Variants in SUGCT observed in about 807,000 individuals in gnomAD.
The protein encoded by SUGCT is succinyl-CoA:glutarate CoA-transferase.
SUGCT carries 41 observed loss-of-function variants against 55.0 expected under a neutral mutation model. That is an observed-to-expected ratio of 0.74 (90% CI 0.58 to 0.97). The LOEUF (loss-of-function observed/expected upper bound fraction) is 0.97. Among genes scored for constraint, SUGCT ranks in the 50% least tolerant of loss-of-function variants. SUGCT has a pLI of 0.00. For synonymous variants in SUGCT, 187 were observed against 200.4 expected (o/e 0.93, Z 0.56); for missense variants, 568 against 547.8 (o/e 1.04, Z -0.37).
Position 40,188,984 on chromosome 7 carries a change from C to T in SUGCT, c.312+404C>T, listed in dbSNP as rs1393674603. Reference sequence around the variant, plus strand: ...ATCAGTAAAGATGATTTAAATATTTCTTCATGCATAAAATAAATTTAAGAG... The same window carrying T: ...ATCAGTAAAGATGATTTAAATATTTTTTCATGCATAAAATAAATTTAAGAG... On this transcript the variant is annotated intron_variant, in intron 4 of 13. Coordinates refer to ENST00000335693, the MANE Select transcript of SUGCT (RefSeq NM_001193313.2). Among the ~76,000 whole-genome samples, 10 of 152,238 alleles carry T rather than the reference C, an allele frequency of 6.6e-5. No individual in the cohort carries two copies. The East Asian group carries it at 1.9e-3, about 29-fold the overall frequency.
intron 13 of SUGCT, among the ~76,000 whole-genome samples, chr7:40,753,992 C>A (rs1042949687): frequency 4.6e-5 from 7 of 152,132 alleles, no homozygotes; most frequent in Non-Finnish European, 7.4e-5. Flanking sequence ...GAGTCTCTAT[C>A]ATCTTCAAAC....
At chr7:40,741,733 T>C (rs931772793) in intron 12 of SUGCT, among the ~76,000 whole-genome samples, 1 of 152,236 alleles carries the variant, frequency 6.6e-6, no homozygotes, top group Non-Finnish European at 1.5e-5. Flanking sequence ...TACAATGGCA[T>C]ACTTCATATT....
At chr7:40,788,134 C>A (rs917347112) in intron 13 of SUGCT, among the ~76,000 whole-genome samples, 2 of 152,122 alleles carry the variant, frequency 1.3e-5, no homozygotes, top group African/African-American at 4.8e-5. Context: ...CACCCCTGCC[C>A]AGTAGTATTG....
At chr7:40,772,979 C>G (rs1168390393) in intron 13 of SUGCT, among the ~76,000 whole-genome samples, 4 of 152,012 alleles carry the variant, frequency 2.6e-5, no homozygotes, top group Admixed American at 2.6e-4. Context: ...AAAACAACTT[C>G]CTCACTTTCT....
chr7:40,890,288 A>ATTATATAATATAAATTAAATATTTATG, the SUGCT span, among the ~76,000 whole-genome samples: 1,501 of 140,796 alleles, frequency 0.011, 37 homozygotes, highest in Admixed American at 0.047. Flanking sequence ...AAATATTTAT[A>ATTATATAATATAAATTAAATATTTATG]TTATATAATA....
At chr7:40,377,193 T>TC (rs1562728568) in intron 9 of SUGCT, among the ~76,000 whole-genome samples, 596 of 10,322 alleles carry the variant, frequency 0.058, 173 homozygotes, top group Non-Finnish European at 0.45. Flanking sequence ...TTTCTTTCTT[T>TC]CTTTCTTTTC....
chr7:40,692,782 C>G (rs1051736453), intron 12 of SUGCT, among the ~76,000 whole-genome samples: 1 of 152,132 alleles, frequency 6.6e-6, no homozygotes, highest in East Asian at 1.9e-4. Flanking sequence ...TTTCTTTCAC[C>G]TAGAAGCCAG....
At chr7:40,894,784 G>A in the SUGCT span, among the ~76,000 whole-genome samples, 7 of 152,138 alleles carry the variant, frequency 4.6e-5, no homozygotes, top group Non-Finnish European at 8.8e-5. Flanking sequence ...CAGTCAGAAT[G>A]GCTATTATTA....
intron 10 of SUGCT, among the ~76,000 whole-genome samples, chr7:40,455,343 A>G (rs1249416594): frequency 6.6e-6 from 1 of 152,216 alleles, no homozygotes; most frequent in Non-Finnish European, 1.5e-5. Flanking sequence ...AAGTCATTCA[A>G]AAATATCAAC....
chr7:40,277,923 G>C (rs1014581245), intron 8 of SUGCT, among the ~76,000 whole-genome samples: 7 of 151,826 alleles, frequency 4.6e-5, no homozygotes, highest in African/African-American at 1.7e-4. Context: ...CCATCTATGA[G>C]TGAGAACATG....
chr7:40,649,440 A>G (rs892860470), intron 12 of SUGCT, among the ~76,000 whole-genome samples: 1 of 152,158 alleles, frequency 6.6e-6, no homozygotes, highest in African/African-American at 2.4e-5. Flanking sequence ...ACTTGCCCTA[A>G]GTTACTAGAT....
chr7:40,675,747 C>T (rs1377012171), intron 12 of SUGCT, among the ~76,000 whole-genome samples: 1 of 152,140 alleles, frequency 6.6e-6, no homozygotes, highest in Non-Finnish European at 1.5e-5. Flanking sequence ...GGATCAAACA[C>T]AGAATGAGCA....
chr7:40,832,237 T>C (rs756227486), intron 13 of SUGCT, among the ~76,000 whole-genome samples: 26 of 152,060 alleles, frequency 1.7e-4, no homozygotes, highest in Admixed American at 5.2e-4. Context: ...TCCGCTTCCT[T>C]ATTTGGGGGA....
At chr7:40,814,972 A>G (rs1243664919) in intron 13 of SUGCT, among the ~76,000 whole-genome samples, 1 of 152,096 alleles carries the variant, frequency 6.6e-6, no homozygotes, top group Non-Finnish European at 1.5e-5. Context: ...CTATAGCCCC[A>G]TGCACTTCTG....
At chr7:40,638,056 G>A (rs558876011) in intron 12 of SUGCT, among the ~76,000 whole-genome samples, 1 of 152,162 alleles carries the variant, frequency 6.6e-6, no homozygotes, top group Non-Finnish European at 1.5e-5. Context: ...TATGATTTCA[G>A]CTAATTTGCC....
At chr7:40,987,911 G>T in the SUGCT span, among the ~76,000 whole-genome samples, 1 of 152,020 alleles carries the variant, frequency 6.6e-6, no homozygotes, top group South Asian at 2.1e-4. Context: ...TTCTTAAAAC[G>T]TAGTGGTTGA....
chr7:40,896,154 G>T, the SUGCT span, among the ~76,000 whole-genome samples: 1 of 151,774 alleles, frequency 6.6e-6, no homozygotes, highest in African/African-American at 2.4e-5. Context: ...AAGTTTCAGG[G>T]TACATTTGAT....
intron 12 of SUGCT, among the ~76,000 whole-genome samples, chr7:40,667,106 CAA>C (rs58790754): frequency 9.1e-4 from 89 of 98,334 alleles, no homozygotes; most frequent in African/African-American, 1.9e-3. Flanking sequence ...GATCCTATCT[CAA>C]AAAAAAAAAA....
intron 13 of SUGCT, among the ~76,000 whole-genome samples, chr7:40,790,460 A>C (rs1327783533): frequency 6.6e-6 from 1 of 152,198 alleles, no homozygotes; most frequent in African/African-American, 2.4e-5. Flanking sequence ...AGAATGGACT[A>C]ATATAGCTTT....
Sources: gnomAD v4.1 joint callset for allele counts (sites outside exome capture counted in the v4.1 genomes callset) on GRCh38, gnomAD v4.1.1 for gene constraint, MANE v1.5 for transcripts, NCBI Gene and HGNC (gene_info 2026-07-23, HGNC 2026-07-21) for gene names.